Variants in WWOX observed in about 807,000 individuals in gnomAD.
The protein encoded by WWOX is WW domain-containing oxidoreductase.
A neutral mutation model predicts 46.2 loss-of-function variants in WWOX; 69 were observed. The observed-to-expected ratio is 1.49, with a 90% CI of 1.23 to 1.82. The LOEUF (loss-of-function observed/expected upper bound fraction) is 1.82. Ranked by LOEUF, WWOX falls within the 40% of genes most tolerant of loss-of-function variation. The pLI, the probability that WWOX is intolerant of heterozygous loss-of-function variation, is 0.00. For missense variants in WWOX, 919 were observed against 542.6 expected, an observed-to-expected ratio of 1.69 and a Z score of -6.89; for synonymous variants, 359 against 202.6, an observed-to-expected ratio of 1.77 and a Z score of -6.56.
At chr16:78,930,213 C>A (rs1374446384) in intron 8 of WWOX, among the ~76,000 whole-genome samples, 2 of 113,376 alleles carry the variant, frequency 1.8e-5, no homozygotes, top group South Asian at 3.0e-4. Context: ...TGGATTATTT[C>A]AGGACCTTTC....
At chr16:79,133,663 G>A (rs11866029) in intron 8 of WWOX, among the ~76,000 whole-genome samples, 20 of 152,072 alleles carry the variant, frequency 1.3e-4, no homozygotes, top group South Asian at 4.1e-4. Context: ...TGTCCTTGCC[G>A]GTGGCCTGCA....
chr16:78,802,915 G>GAAAA (rs71376394), intron 8 of WWOX, among the ~76,000 whole-genome samples: 326 of 10,400 alleles, frequency 0.031, 60 homozygotes, highest in Non-Finnish European at 0.041. Flanking sequence ...GACTTCATCT[G>GAAAA]AAAAAAAAAA....
chr16:78,443,180 C>T (rs562035744), intron 8 of WWOX, among the ~76,000 whole-genome samples: 1 of 143,756 alleles, frequency 7.0e-6, no homozygotes, highest in African/African-American at 2.6e-5. Flanking sequence ...TGACTCGTGT[C>T]TATTGTCCCA....
intron 8 of WWOX, among the ~76,000 whole-genome samples, chr16:78,939,910 A>G (rs1386342771): frequency 6.6e-6 from 1 of 152,218 alleles, no homozygotes; most frequent in African/African-American, 2.4e-5. Flanking sequence ...GCTCAAGTTG[A>G]AGGCCCAAGT....
intron 8 of WWOX, among the ~76,000 whole-genome samples, chr16:78,611,442 T>G (rs1269534957): frequency 6.6e-6 from 1 of 152,192 alleles, no homozygotes; most frequent in Non-Finnish European, 1.5e-5. Flanking sequence ...GTGCATTTTA[T>G]TGTGTGAAAT....
intron 8 of WWOX, among the ~76,000 whole-genome samples, chr16:79,169,095 A>C (rs1240564220): frequency 6.6e-6 from 1 of 152,190 alleles, no homozygotes; most frequent in African/African-American, 2.4e-5. Context: ...ACATGATCCC[A>C]CTTAATCCTC....
intron 8 of WWOX, among the ~76,000 whole-genome samples, chr16:78,561,779 A>G (rs1331404739): frequency 6.6e-6 from 1 of 152,188 alleles, no homozygotes; most frequent in African/African-American, 2.4e-5. Flanking sequence ...GAGCCGAGCA[A>G]GTGATTTTGC....
At chr16:78,747,675 G>C (rs1034010049) in intron 8 of WWOX, among the ~76,000 whole-genome samples, 2 of 152,088 alleles carry the variant, frequency 1.3e-5, no homozygotes, top group South Asian at 2.1e-4. Flanking sequence ...ACCACTTTCT[G>C]AATATGTATA....
intron 8 of WWOX, among the ~76,000 whole-genome samples, chr16:79,111,085 A>G (rs2049407706): frequency 6.6e-6 from 1 of 152,198 alleles, no homozygotes; most frequent in African/African-American, 2.4e-5. Context: ...AGAGTCACAG[A>G]TGCTTTCACT....
intron 8 of WWOX, among the ~76,000 whole-genome samples, chr16:78,761,366 A>T (rs912341248): frequency 6.6e-6 from 1 of 152,100 alleles, no homozygotes; most frequent in Non-Finnish European, 1.5e-5. Flanking sequence ...ATGAGTTTTC[A>T]GGGAGAACTC....
chr16:78,359,311 T>C (rs1183350393), intron 5 of WWOX, among the ~76,000 whole-genome samples: 1 of 152,230 alleles, frequency 6.6e-6, no homozygotes, highest in Non-Finnish European at 1.5e-5. Context: ...CAAAAAGTTT[T>C]AGCATTTTAC....
intron 8 of WWOX, among the ~76,000 whole-genome samples, chr16:78,804,493 C>G (rs1341939622): frequency 6.6e-6 from 1 of 151,782 alleles, no homozygotes; most frequent in Non-Finnish European, 1.5e-5. Flanking sequence ...GTCATGCAAA[C>G]AAGCGCACAT....
At chr16:78,364,548 C>T (rs567669736) in intron 5 of WWOX, among the ~76,000 whole-genome samples, 17 of 134,598 alleles carry the variant, frequency 1.3e-4, no homozygotes, top group East Asian at 4.0e-4. Flanking sequence ...TTTGGGACTC[C>T]GGAAGAAAAA....
intron 8 of WWOX, among the ~76,000 whole-genome samples, chr16:79,039,673 C>G (rs540271223): frequency 6.6e-6 from 1 of 152,268 alleles, no homozygotes; most frequent in East Asian, 1.9e-4. Context: ...GTTCCTTGTG[C>G]CATCTTTCTT....
chr16:78,874,492 G>C (rs979031891), intron 8 of WWOX, among the ~76,000 whole-genome samples: 2 of 152,012 alleles, frequency 1.3e-5, no homozygotes, highest in African/African-American at 4.8e-5. Context: ...GTCTGAGCCT[G>C]ATGTGGTGCC....
chr16:78,543,283 A>C (rs970181875), intron 8 of WWOX, among the ~76,000 whole-genome samples: 2 of 152,170 alleles, frequency 1.3e-5, no homozygotes, highest in Admixed American at 6.5e-5. Flanking sequence ...TTGGCTGCCT[A>C]CTGGCTAGGC....
intron 5 of WWOX, chr16:78,264,582 A>G (rs898614820): frequency 2.6e-5 from 4 of 152,222 alleles, no homozygotes; most frequent in Non-Finnish European, 5.9e-5. Context: ...CGTATATGAG[A>G]TTCCTCTTGC....
intron 8 of WWOX, among the ~76,000 whole-genome samples, chr16:78,932,795 A>G (rs941918941): frequency 6.6e-6 from 1 of 152,186 alleles, no homozygotes; most frequent in Non-Finnish European, 1.5e-5. Context: ...GGCTGGTCCC[A>G]AGCCCCTCCT....
chr16:79,118,540 C>T (rs911989333), intron 8 of WWOX, among the ~76,000 whole-genome samples: 3 of 152,040 alleles, frequency 2.0e-5, no homozygotes, highest in African/African-American at 7.2e-5. Context: ...TGCCAGAAAC[C>T]TTCGATTTGT....
Sources: allele counts gnomAD v4.1 joint callset (sites outside exome capture counted in the v4.1 genomes callset), GRCh38; gene constraint gnomAD v4.1.1; transcripts MANE v1.5; gene names NCBI Gene and HGNC (gene_info 2026-07-23, HGNC 2026-07-21).